The following CDH18 variants were observed in gnomAD, a reference collection of about 807,000 sequenced individuals.
CDH18 encodes the protein cadherin-18.
CDH18 carries 31 observed loss-of-function variants against 67.9 expected under a neutral mutation model. The ratio of observed to expected loss-of-function variants is 0.46; its 90% confidence interval spans 0.34 to 0.62. The LOEUF (loss-of-function observed/expected upper bound fraction) is 0.62, where lower values mean the gene tolerates loss of function less well. Ranked by LOEUF, CDH18 falls within the 20% of genes least tolerant of loss-of-function variation. The pLI is 0.01. For synonymous variants in CDH18, 362 were observed against 347.2 expected, an observed-to-expected ratio of 1.04 and a Z score of -0.48; for missense variants, 890 against 975.5, an observed-to-expected ratio of 0.91 and a Z score of 1.17.
At chr5:20,510,486 A>G (rs1754967206) in intron 1 of CDH18, among the ~76,000 whole-genome samples, 1 of 152,096 alleles carries the variant, frequency 6.6e-6, no homozygotes, top group South Asian at 2.1e-4. Context: ...CTGTGTATAT[A>G]TAACTATTAT....
At chr5:19,754,543 C>T (rs1771276917) in intron 3 of CDH18, among the ~76,000 whole-genome samples, 1 of 152,108 alleles carries the variant, frequency 6.6e-6, no homozygotes, top group Non-Finnish European at 1.5e-5. Context: ...AGAAATGAGA[C>T]AGACAGTAAC....
chr5:20,492,318 GA>G (rs550475262), intron 1 of CDH18, among the ~76,000 whole-genome samples: 7 of 150,912 alleles, frequency 4.6e-5, no homozygotes, highest in African/African-American at 7.3e-5. Context: ...CTTTCTTTAG[GA>G]AAAAAAATGA....
chr5:19,794,665 A>G (rs1776680899), intron 3 of CDH18, among the ~76,000 whole-genome samples: 1 of 152,114 alleles, frequency 6.6e-6, no homozygotes, highest in Non-Finnish European at 1.5e-5. Context: ...GTGTAATAGC[A>G]TATGTAAGTA....
intron 1 of CDH18, among the ~76,000 whole-genome samples, chr5:20,561,817 G>C (rs2126648308): frequency 6.6e-6 from 1 of 151,904 alleles, no homozygotes; most frequent in South Asian, 2.1e-4. Flanking sequence ...GTTCATGATT[G>C]AACATTAGAT....
chr5:20,063,152 TTTTTA>T (rs1232971304), intron 2 of CDH18, among the ~76,000 whole-genome samples: 4 of 151,574 alleles, frequency 2.6e-5, no homozygotes, highest in African/African-American at 4.8e-5. Flanking sequence ...TCTTGTGATT[TTTTTA>T]TTTATGAATT....
At chr5:20,560,597 T>C (rs1260695857) in intron 1 of CDH18, among the ~76,000 whole-genome samples, 2 of 151,912 alleles carry the variant, frequency 1.3e-5, no homozygotes, top group African/African-American at 4.8e-5. Context: ...TGGTATCAGC[T>C]GCTTCTACCA....
intron 1 of CDH18, among the ~76,000 whole-genome samples, chr5:20,493,738 A>C (rs1048217503): frequency 1.3e-5 from 2 of 152,112 alleles, no homozygotes; most frequent in African/African-American, 4.8e-5. Context: ...GCAGTCATTG[A>C]TCAAGTCCTC....
At chr5:20,552,553 C>T (rs1366928055) in intron 1 of CDH18, among the ~76,000 whole-genome samples, 1 of 152,016 alleles carries the variant, frequency 6.6e-6, no homozygotes, top group Non-Finnish European at 1.5e-5. Context: ...TAGTCTCATA[C>T]ATACTGAAAA....
At chr5:20,254,949 A>C (rs1394666946) in intron 2 of CDH18, among the ~76,000 whole-genome samples, 1 of 152,172 alleles carries the variant, frequency 6.6e-6, no homozygotes, top group African/African-American at 2.4e-5. Context: ...AAAAGGAATA[A>C]AATCACGTCT....
At chr5:19,684,567 A>G (rs1760795226) in intron 5 of CDH18, among the ~76,000 whole-genome samples, 1 of 151,316 alleles carries the variant, frequency 6.6e-6, no homozygotes, top group African/African-American at 2.4e-5. Flanking sequence ...GCTTTTTTTC[A>G]GATACAAAGA....
At chr5:19,716,393 A>G (rs182450600) in intron 5 of CDH18, among the ~76,000 whole-genome samples, 175 of 152,248 alleles carry the variant, frequency 1.1e-3, no homozygotes, top group Non-Finnish European at 1.9e-3. Context: ...CTATATTTAT[A>G]TTATATTAAT....
intron 8 of CDH18, among the ~76,000 whole-genome samples, chr5:19,552,400 T>C (rs73053629): frequency 0.023 from 3,552 of 152,246 alleles, 146 homozygotes; most frequent in African/African-American, 0.08. Context: ...GACTTCAGTT[T>C]AAATCTAAGA....
chr5:19,854,771 A>T (rs1339866475), intron 2 of CDH18, among the ~76,000 whole-genome samples: 2 of 151,864 alleles, frequency 1.3e-5, no homozygotes, highest in East Asian at 3.9e-4. Context: ...ATTTATTTTA[A>T]CTTTTTAATT....
chr5:19,877,642 C>T lies in CDH18; in HGVS notation c.-256-38400G>A, dbSNP rs192168468. On this transcript the variant is annotated intron_variant, in intron 2 of 12. Transcript: ENST00000382275. ...ATAGATTGAAAAAATAGAACTGGTCCTTTCCTCTTGGAACATTACAGCTTG... is the reference window on the plus strand; with the variant it reads ...ATAGATTGAAAAAATAGAACTGGTCTTTTCCTCTTGGAACATTACAGCTTG... 3.1e-3 allele frequency among the ~76,000 whole-genome samples: 474 copies of T among 152,178 alleles called. 2 individuals are homozygous for T. Among genetic ancestry groups the T allele is most frequent in the African/African-American group, 9.2e-3 (382 of 41,534 alleles).
chr5:20,326,632 G>T (rs537771808), intron 1 of CDH18, among the ~76,000 whole-genome samples: 1 of 150,012 alleles, frequency 6.7e-6, no homozygotes, highest in African/African-American at 2.5e-5. Context: ...TCCGCCTCCC[G>T]GGTTCACGCC....
intron 2 of CDH18, among the ~76,000 whole-genome samples, chr5:19,911,794 A>C (rs1791172974): frequency 6.6e-6 from 1 of 152,198 alleles, no homozygotes; most frequent in Non-Finnish European, 1.5e-5. Flanking sequence ...ACACCTACTT[A>C]GACAATATCC....
intron 1 of CDH18, among the ~76,000 whole-genome samples, chr5:20,268,851 GCAA>G (rs770757574): frequency 2.0e-5 from 3 of 152,130 alleles, no homozygotes; most frequent in Non-Finnish European, 1.5e-5. Context: ...TGCATAAGCA[GCAA>G]CAACACGAAG....
chr5:19,645,893 AAAT>A (rs1456226107), intron 5 of CDH18, among the ~76,000 whole-genome samples: 2 of 152,214 alleles, frequency 1.3e-5, no homozygotes, highest in East Asian at 3.9e-4. Context: ...AGATGAATAG[AAAT>A]AATATCATCT....
chr5:19,734,552 G>A (rs545456647), intron 4 of CDH18, among the ~76,000 whole-genome samples: 27 of 151,870 alleles, frequency 1.8e-4, no homozygotes, highest in African/African-American at 5.3e-4. Flanking sequence ...ATTTTTTCTC[G>A]GATTGCACAG....
Sources: gnomAD v4.1 joint callset for allele counts (sites outside exome capture counted in the v4.1 genomes callset) on GRCh38, gnomAD v4.1.1 for gene constraint, MANE v1.5 for transcripts, NCBI Gene and HGNC (gene_info 2026-07-23, HGNC 2026-07-21) for gene names.